The following SLC25A13 variants were observed in gnomAD, a reference collection of about 807,000 sequenced individuals.
The protein encoded by SLC25A13 is electrogenic aspartate/glutamate antiporter SLC25A13, mitochondrial.
In SLC25A13, 70 loss-of-function variants were observed where a neutral mutation model predicts 85.5. The observed-to-expected ratio is 0.82, with a 90% CI of 0.68 to 1.00. SLC25A13 has a LOEUF of 1.00. Ranked by LOEUF, SLC25A13 falls within the 50% of genes least tolerant of loss-of-function variation. SLC25A13 has a pLI of 0.00. For missense variants in SLC25A13, 765 were observed against 819.8 expected (o/e 0.93, Z 0.82); for synonymous variants, 259 against 288.7 (o/e 0.90, Z 1.04).
At chr7:96,157,312 G>C (rs1793316663) in intron 13 of SLC25A13, among the ~76,000 whole-genome samples, 1 of 151,850 alleles carries the variant, frequency 6.6e-6, no homozygotes, top group African/African-American at 2.4e-5. Context: ...AAATGGGCTA[G>C]TCTGCAAAAA....
At chr7:96,173,437 G>C (rs1049788512) in intron 11 of SLC25A13, among the ~76,000 whole-genome samples, 8 of 152,166 alleles carry the variant, frequency 5.3e-5, no homozygotes, top group Non-Finnish European at 1.0e-4. Context: ...CAAAAAATCT[G>C]TATCTTTATA....
chr7:96,232,226 A>G (rs1007860205), intron 4 of SLC25A13, among the ~76,000 whole-genome samples: 2 of 152,192 alleles, frequency 1.3e-5, no homozygotes, highest in African/African-American at 4.8e-5. Flanking sequence ...AATGTGGTAC[A>G]TATACACCAT....
intron 1 of SLC25A13, among the ~76,000 whole-genome samples, chr7:96,303,419 C>T (rs748573629): frequency 6.6e-6 from 1 of 151,982 alleles, no homozygotes; most frequent in Non-Finnish European, 1.5e-5. Flanking sequence ...GAGAAACAGT[C>T]CTGCATAGTC....
intron 3 of SLC25A13, among the ~76,000 whole-genome samples, chr7:96,247,523 A>C (rs1250891203): frequency 6.6e-6 from 1 of 152,282 alleles, no homozygotes; most frequent in African/African-American, 2.4e-5. Context: ...CGATCCTATA[A>C]AATAATTCCA....
At chr7:96,287,215 A>C (rs747198293) in intron 2 of SLC25A13, among the ~76,000 whole-genome samples, 3 of 152,162 alleles carry the variant, frequency 2.0e-5, no homozygotes, top group Non-Finnish European at 4.4e-5. Flanking sequence ...TGCTAAGCCA[A>C]GGCAGATTTG....
chr7:96,124,674 T>G (rs746753991), intron 15 of SLC25A13, among the ~76,000 whole-genome samples: 1 of 152,358 alleles, frequency 6.6e-6, no homozygotes, highest in African/African-American at 2.4e-5. Flanking sequence ...TTCATATGAC[T>G]AGATTTTCTT....
intron 2 of SLC25A13, among the ~76,000 whole-genome samples, chr7:96,290,582 T>G (rs1209201859): frequency 9.4e-4 from 134 of 142,748 alleles, no homozygotes; most frequent in African/African-American, 3.5e-3. Context: ...TGGAGGAAGA[T>G]CTACCAAGCA....
chr7:96,236,779 A>G (rs1362653448), intron 3 of SLC25A13, among the ~76,000 whole-genome samples: 3 of 152,228 alleles, frequency 2.0e-5, no homozygotes, highest in Admixed American at 2.0e-4. Context: ...GAATTTGGTA[A>G]CTAACAAAAA....
In SLC25A13 at chr7:96,121,055, A is replaced by C; in HGVS notation, c.*136T>G. The C allele has an allele frequency of 1.1e-6, 1 of 932,736 alleles. No homozygotes were observed. The allele number at this position is 932,736 out of a possible 1,614,324, so 57.8% of individuals were successfully genotyped here. The stretch of plus-strand genomic sequence containing the variant: ...AAACACCCAGAAAATGAATGATTTC[A>C]CATGATAAAAAAGCCTGGACTTGAA... On this transcript the variant is annotated 3_prime_UTR_variant, in exon 18 of 18. Transcript: ENST00000265631.
chr7:96,170,587 T>C (rs1360661186), intron 12 of SLC25A13, among the ~76,000 whole-genome samples: 1 of 152,168 alleles, frequency 6.6e-6, no homozygotes, highest in Admixed American at 6.5e-5. Context: ...AAATTCAATA[T>C]CTAAAAATTC....
chr7:96,264,813 T>C (rs1334916969), intron 3 of SLC25A13, among the ~76,000 whole-genome samples: 2 of 152,112 alleles, frequency 1.3e-5, no homozygotes, highest in African/African-American at 2.4e-5. Context: ...CCTCCCAAAG[T>C]GCTGGGATTA....
intron 15 of SLC25A13, among the ~76,000 whole-genome samples, chr7:96,129,593 A>G (rs528279095): frequency 6.6e-6 from 1 of 152,344 alleles, no homozygotes; most frequent in South Asian, 2.1e-4. Flanking sequence ...TATGTTCGGA[A>G]AGTTTTAAAT....
At chr7:96,261,779 C>T (rs1347347036) in intron 3 of SLC25A13, among the ~76,000 whole-genome samples, 1 of 152,158 alleles carries the variant, frequency 6.6e-6, no homozygotes, top group East Asian at 1.9e-4. Flanking sequence ...AATTTACTTC[C>T]TCACTGTTGT....
At chr7:96,123,377 C>A (rs73232568) in intron 15 of SLC25A13, among the ~76,000 whole-genome samples, 228 of 152,314 alleles carry the variant, frequency 1.5e-3, no homozygotes, top group Non-Finnish European at 1.7e-3. Context: ...AGACAGCCTG[C>A]TTTAGACATG....
chr7:96,157,387 T>TGA (rs1793322376), intron 13 of SLC25A13, among the ~76,000 whole-genome samples: 1 of 152,212 alleles, frequency 6.6e-6, no homozygotes, highest in African/African-American at 2.4e-5. Context: ...ATAAGCTTGA[T>TGA]TTCTTCTTCT....
intron 1 of SLC25A13, among the ~76,000 whole-genome samples, chr7:96,297,480 C>T (rs777183875): frequency 2.0e-5 from 3 of 151,912 alleles, no homozygotes; most frequent in Admixed American, 6.6e-5. Flanking sequence ...ATTGCAGGCG[C>T]GTACTACCAC....
intron 3 of SLC25A13, among the ~76,000 whole-genome samples, chr7:96,246,910 G>A (rs1009888743): frequency 3.9e-5 from 6 of 152,152 alleles, no homozygotes; most frequent in Non-Finnish European, 5.9e-5. Flanking sequence ...ATTTTTACAT[G>A]TTAATTAAAC....
chr7:96,209,118 C>G, intron 4 of SLC25A13, 141 bp from the exon 5 acceptor site: 1 of 838,524 alleles, frequency 1.2e-6, no homozygotes, highest in Non-Finnish European at 1.8e-6. Flanking sequence ...CAAACTATGG[C>G]AGAAATAAAA....
At chr7:96,130,737 T>C (rs1018786746) in intron 15 of SLC25A13, among the ~76,000 whole-genome samples, 3 of 152,188 alleles carry the variant, frequency 2.0e-5, no homozygotes, top group African/African-American at 7.2e-5. Context: ...CTAGATACAG[T>C]GGTATCACTG....
Sources: gnomAD v4.1 joint callset for allele counts (sites outside exome capture counted in the v4.1 genomes callset) on GRCh38, gnomAD v4.1.1 for gene constraint, MANE v1.5 for transcripts, NCBI Gene and HGNC (gene_info 2026-07-23, HGNC 2026-07-21) for gene names.